ZDHHC14: variants seen among roughly 807,000 people sequenced by gnomAD.
ZDHHC14 encodes palmitoyltransferase ZDHHC14.
In ZDHHC14, 16 loss-of-function variants were observed where a neutral mutation model predicts 47.7. That is an observed-to-expected ratio of 0.34 (90% CI 0.23 to 0.51). ZDHHC14 has a LOEUF of 0.51. Among genes scored for constraint, ZDHHC14 ranks in the 20% least tolerant of loss-of-function variants. The probability of loss-of-function intolerance (pLI) is 0.97; values close to 1 mark genes in which losing one functional copy is unlikely to be tolerated. For missense variants in ZDHHC14, 515 were observed against 662.5 expected (o/e 0.78, Z 2.44); for synonymous variants, 293 against 278.9 (o/e 1.05, Z -0.50).
rs3749839 is a variant in ZDHHC14, at chr6:157,675,296, A to G, written c.*2174A>G. On this transcript the variant is annotated 3_prime_UTR_variant, in exon 9 of 9. Coordinates refer to ENST00000359775, the MANE Select transcript of ZDHHC14 (RefSeq NM_024630.3). ...AACATTTCCTAACTCAGTGGTTGCCACTCTCCTGTGACCAGCCCTTCTTCC... is the reference window on the plus strand; with the variant it reads ...AACATTTCCTAACTCAGTGGTTGCCGCTCTCCTGTGACCAGCCCTTCTTCC... 0.77 allele frequency: 117,024 copies of G among 152,210 alleles called. 45,782 individuals are homozygous for G. Among genetic ancestry groups the G allele is most frequent in the African/African-American group, 0.93 (38,493 of 41,522 alleles). The allele number at this position is 152,210 out of a possible 1,614,324, so 9.4% of individuals were successfully genotyped here.
intron 3 of ZDHHC14, among the ~76,000 whole-genome samples, chr6:157,606,086 T>C (rs1351519618): frequency 6.6e-6 from 1 of 152,194 alleles, no homozygotes; most frequent in Non-Finnish European, 1.5e-5. Flanking sequence ...TTATACTACC[T>C]GCACATTTTA....
intron 2 of ZDHHC14, among the ~76,000 whole-genome samples, chr6:157,587,056 C>A (rs1415821753): frequency 6.6e-6 from 1 of 152,234 alleles, no homozygotes; most frequent in Non-Finnish European, 1.5e-5. Context: ...ATACGTTTGT[C>A]ATTCCTGCAT....
intron 2 of ZDHHC14, among the ~76,000 whole-genome samples, chr6:157,557,490 A>C (rs1353181238): frequency 1.3e-5 from 2 of 152,196 alleles, no homozygotes; most frequent in African/African-American, 4.8e-5. Flanking sequence ...GAAAGTGCAC[A>C]GTTGATTTTC....
chr6:157,407,156 C>A (rs1197204328), intron 1 of ZDHHC14, among the ~76,000 whole-genome samples: 1 of 152,154 alleles, frequency 6.6e-6, no homozygotes, highest in East Asian at 1.9e-4. Context: ...GGGTGGGTGA[C>A]CAGTCCACAG....
At chr6:157,511,607 T>C (rs1780492410) in intron 1 of ZDHHC14, among the ~76,000 whole-genome samples, 1 of 149,870 alleles carries the variant, frequency 6.7e-6, no homozygotes, top group African/African-American at 2.5e-5. Flanking sequence ...TTGGTCAGGC[T>C]GGTCTCGAAC....
At chr6:157,623,197 C>T (rs1463700718) in intron 3 of ZDHHC14, among the ~76,000 whole-genome samples, 1 of 152,162 alleles carries the variant, frequency 6.6e-6, no homozygotes, top group Non-Finnish European at 1.5e-5. Flanking sequence ...CAAATCTCAT[C>T]CTTAATTGTA....
intron 1 of ZDHHC14, among the ~76,000 whole-genome samples, chr6:157,414,539 A>G (rs10485040): frequency 0.86 from 130,406 of 152,178 alleles, 56,028 homozygotes; most frequent in Middle Eastern, 0.94. Flanking sequence ...GAAGTTTCCA[A>G]GACAGTATAT....
At chr6:157,542,804 T>A in intron 2 of ZDHHC14, 59 bp downstream of exon 2, 1 of 1,576,320 alleles carries the variant, frequency 6.3e-7, no homozygotes, top group Admixed American at 1.8e-5. Flanking sequence ...CCAGCTACAG[T>A]GGGGACGGCA....
chr6:157,460,405 GAAAAA>G (rs1164382844), intron 1 of ZDHHC14, among the ~76,000 whole-genome samples: 9,765 of 42,206 alleles, frequency 0.23, 458 homozygotes, highest in Non-Finnish European at 0.3. Context: ...TCTCTCTCTG[GAAAAA>G]AAAAAAAAAA....
chr6:157,551,599 C>A (rs1782236905), intron 2 of ZDHHC14, among the ~76,000 whole-genome samples: 1 of 152,202 alleles, frequency 6.6e-6, no homozygotes, highest in East Asian at 1.9e-4. Context: ...ATCTGCATTG[C>A]AACAAGACCA....
intron 1 of ZDHHC14, among the ~76,000 whole-genome samples, chr6:157,388,485 G>A (rs2800440): frequency 0.83 from 126,466 of 151,916 alleles, 52,783 homozygotes; most frequent in Middle Eastern, 0.93. Context: ...TTGCAAGGAA[G>A]TGCATTTGTT....
chr6:157,474,067 CA>C (rs923329284), intron 1 of ZDHHC14, among the ~76,000 whole-genome samples: 27 of 150,856 alleles, frequency 1.8e-4, no homozygotes. Flanking sequence ...AGACTCACTG[CA>C]GCCTCCACCT....
intron 8 of ZDHHC14, among the ~76,000 whole-genome samples, chr6:157,669,346 C>G (rs116181931): frequency 6.6e-6 from 1 of 151,776 alleles, no homozygotes; most frequent in African/African-American, 2.4e-5. Flanking sequence ...GGGGGGAAGA[C>G]AGAGAGTGGA....
intron 1 of ZDHHC14, among the ~76,000 whole-genome samples, chr6:157,530,209 T>C (rs1435095592): frequency 6.6e-6 from 1 of 152,152 alleles, no homozygotes; most frequent in East Asian, 1.9e-4. Context: ...GGACCACATC[T>C]GTGTGTCTAG....
At chr6:157,415,932 C>T (rs1777964431) in intron 1 of ZDHHC14, among the ~76,000 whole-genome samples, 2 of 151,672 alleles carry the variant, frequency 1.3e-5, no homozygotes, top group Admixed American at 6.6e-5. Flanking sequence ...GTATAATTTT[C>T]GAACTTGAAG....
At chr6:157,646,682 T>C (rs891029116) in intron 6 of ZDHHC14, among the ~76,000 whole-genome samples, 1 of 151,844 alleles carries the variant, frequency 6.6e-6, no homozygotes, top group African/African-American at 2.4e-5. Flanking sequence ...TCCTCTTTGC[T>C]CTTTATACTT....
chr6:157,418,115 A>T (rs1375378796), intron 1 of ZDHHC14, among the ~76,000 whole-genome samples: 1 of 152,046 alleles, frequency 6.6e-6, no homozygotes, highest in African/African-American at 2.4e-5. Flanking sequence ...ACACATCCAG[A>T]CCTGACATCA....
intron 1 of ZDHHC14, among the ~76,000 whole-genome samples, chr6:157,525,149 G>T (rs567280943): frequency 1.3e-5 from 2 of 152,102 alleles, no homozygotes; most frequent in Admixed American, 1.3e-4. Context: ...CCATAGGGCT[G>T]GGATTTTGTT....
intron 3 of ZDHHC14, among the ~76,000 whole-genome samples, chr6:157,624,059 CT>C (rs1785303085): frequency 1.3e-5 from 2 of 152,204 alleles, no homozygotes; most frequent in Admixed American, 1.3e-4. Context: ...AGAAATAATA[CT>C]CTAAATATGG....
Sources: gnomAD v4.1 joint callset for allele counts (sites outside exome capture counted in the v4.1 genomes callset) on GRCh38, gnomAD v4.1.1 for gene constraint, MANE v1.5 for transcripts, NCBI Gene and HGNC (gene_info 2026-07-23, HGNC 2026-07-21) for gene names.